TCP11L2: variants seen among roughly 807,000 people sequenced by gnomAD.
The protein encoded by TCP11L2 is T-complex protein 11-like protein 2.
In TCP11L2, 39 loss-of-function variants were observed where a neutral mutation model predicts 50.7. The ratio of observed to expected loss-of-function variants is 0.77; its 90% CI spans 0.60 to 1.01. The LOEUF is 1.01. Among genes scored for constraint, TCP11L2 ranks in the 50% least tolerant of loss-of-function variants. The pLI, the probability that TCP11L2 is intolerant of heterozygous loss-of-function variation, is 0.00. For missense variants in TCP11L2, 612 were observed against 614.7 expected (o/e 1.00, Z 0.05); for synonymous variants, 192 against 219.3 (o/e 0.88, Z 1.10).
intron 9 of TCP11L2, among the ~76,000 whole-genome samples, chr12:106,344,432 G>A (rs986658960): frequency 2.6e-5 from 4 of 152,268 alleles, no homozygotes; most frequent in African/African-American, 7.2e-5. Context: ...CATATGTCAC[G>A]ATAGTCTGGT....
In TCP11L2 at chr12:106,321,588, G is replaced by T. The variant is rs763394230; in HGVS notation, c.517G>T (p.Val173Phe). 3.5e-5 allele frequency: 57 copies of T among 1,614,212 alleles called. No homozygotes were observed. Among genetic ancestry groups the T allele is most frequent in the Middle Eastern group, 1.6e-4 (1 of 6,062 alleles). ...TAGGCAGCAGGCTGAGCACAGTGCT[G>T]TTGACATCCAAGGCCTGGCCAACTA... ...LIRQQAEHSA[V>F]DIQGLANYVI... The change falls in exon 5 of 10, where the codon GTT becomes TTT. Residue 173 changes from valine (V) to phenylalanine (F), a missense_variant. Val to Phe is a conservative substitution (Grantham distance 50). Coordinates refer to ENST00000299045, the MANE Select transcript of TCP11L2 (RefSeq NM_152772.3).
intron 6 of TCP11L2, among the ~76,000 whole-genome samples, chr12:106,334,511 C>T (rs1276262938): frequency 1.3e-5 from 2 of 152,138 alleles, no homozygotes; most frequent in Non-Finnish European, 2.9e-5. Flanking sequence ...CTCTTTACCC[C>T]TCACTTCCAC....
chr12:106,309,980 T>C (rs1043610040), intron 1 of TCP11L2, among the ~76,000 whole-genome samples: 2 of 152,136 alleles, frequency 1.3e-5, no homozygotes, highest in African/African-American at 4.8e-5. Flanking sequence ...TTATTGTCCA[T>C]CCAGGATTTG....
At chr12:106,336,274 G>T in intron 8 of TCP11L2, 61 bp downstream of exon 8, 2 of 1,449,966 alleles carry the variant, frequency 1.4e-6, no homozygotes, top group Admixed American at 2.3e-5. Flanking sequence ...GTGTCTCAGA[G>T]AACAAGAATG....
At chr12:106,313,137 A>G (rs894029892) in intron 2 of TCP11L2, among the ~76,000 whole-genome samples, 1 of 152,134 alleles carries the variant, frequency 6.6e-6, no homozygotes, top group African/African-American at 2.4e-5. Flanking sequence ...AGTTCTTACT[A>G]TCTTCTTCTT....
chr12:106,340,961 C>T lies in TCP11L2; in HGVS notation c.1278C>T (p.Ser426=). ...IQANLIGQFS[S]IEEEDNPIWS... ...CTAATCTTATAGGTCAATTTTCAAG[C>T]ATTGAAGAGGAGGACAATCCTATCT... The change falls in exon 9 of 10, where the codon AGC becomes AGT. Residue 426 remains serine, a synonymous_variant. Coordinates refer to ENST00000299045, the MANE Select transcript of TCP11L2 (RefSeq NM_152772.3). The T allele has an allele frequency of 1.9e-6, 3 of 1,612,932 alleles. No individual in the cohort carries two copies. Among genetic ancestry groups the T allele is most frequent in the Non-Finnish European group, 2.5e-6 (3 of 1,179,630 alleles).
intron 4 of TCP11L2, among the ~76,000 whole-genome samples, chr12:106,319,923 A>G (rs2035274985): frequency 1.3e-5 from 2 of 152,344 alleles, no homozygotes; most frequent in South Asian, 4.1e-4. Flanking sequence ...TATATGTAAA[A>G]TATACTTAAT....
In TCP11L2 at chr12:106,335,662, T is replaced by C. The variant is rs1000105350; in HGVS notation, c.796T>C (p.Trp266Arg). The C allele has an allele frequency of 6.2e-7, 1 of 1,614,164 alleles. No individual in the cohort carries two copies. Among genetic ancestry groups the C allele is most frequent in the Non-Finnish European group, 8.5e-7 (1 of 1,180,026 alleles). Residue 266 changes from tryptophan to arginine, a missense_variant, in exon 7 of 10, where the codon TGG becomes CGG. Transcript: ENST00000299045. Reference sequence around the variant, plus strand: ...AGGTGCTCTTGATCAGACTACAGAATGGATAAAAGAATCTGTAAATGAAGA... The same window carrying C: ...AGGTGCTCTTGATCAGACTACAGAACGGATAAAAGAATCTGTAAATGAAGA... The part of the protein sequence containing the change: ...TPSALDQTTE[W>R]IKESVNEELF...
intron 6 of TCP11L2, chr12:106,330,187 A>G (rs2035699036): frequency 1.0e-6 from 1 of 985,334 alleles, no homozygotes; most frequent in African/African-American, 1.7e-5. Flanking sequence ...CCAGTAGAGA[A>G]TTACTGCCTC....
intron 8 of TCP11L2, among the ~76,000 whole-genome samples, chr12:106,336,639 G>A (rs1175985803): frequency 4.3e-5 from 6 of 137,996 alleles, no homozygotes; most frequent in African/African-American, 1.1e-4. Context: ...TGCAACCTCC[G>A]CCTCCCGGGT....
intron 8 of TCP11L2, among the ~76,000 whole-genome samples, chr12:106,336,935 C>G (rs1461755758): frequency 6.6e-6 from 1 of 152,228 alleles, no homozygotes; most frequent in Non-Finnish European, 1.5e-5. Context: ...GCTGACAATT[C>G]TGCCCTTCAG....
chr12:106,318,416 C>G lies in TCP11L2; in HGVS notation c.366C>G (p.Asp122Glu). The part of the protein sequence containing the change: ...WDVLDSELNA[D>E]PPEFEHAIKL... ...TCTTGGATTCAGAACTAAATGCTGA[C>G]CCTCCTGAGTTTGAACATGCCATCA... The change falls in exon 4 of 10, where the codon GAC becomes GAG. Residue 122 changes from aspartate (D) to glutamate (E), a missense_variant. Asp to Glu is a conservative substitution (Grantham distance 45, BLOSUM62 2). Transcript: ENST00000299045. The G allele has an allele frequency of 6.2e-7, 1 of 1,614,074 alleles. No homozygotes were observed. The highest frequency in any genetic ancestry group is 8.5e-7 in the Non-Finnish European group (1 of 1,179,942).
chr12:106,323,585 T>G lies in TCP11L2; in HGVS notation c.711T>G (p.Leu237=), dbSNP rs536692790. Residue 237 remains leucine, a synonymous_variant, in exon 6 of 10, where the codon CTT becomes CTG. Coordinates refer to ENST00000299045, the MANE Select transcript of TCP11L2 (RefSeq NM_152772.3). ...CAATTATGAGTCTCAGACCGCACCT[T>G]CAACGCCAGTTGGTGGAATATGAGA... The part of the protein sequence containing the change: ...NFTIMSLRPH[L]QRQLVEYERT... The G allele has an allele frequency of 1.8e-5, 29 of 1,608,126 alleles. No homozygotes were observed. In the South Asian group the frequency reaches 3.1e-4, roughly 17 times the overall value.
chr12:106,339,093 C>T (rs2036011538), intron 8 of TCP11L2, among the ~76,000 whole-genome samples: 1 of 152,066 alleles, frequency 6.6e-6, no homozygotes, highest in Non-Finnish European at 1.5e-5. Context: ...TGCAGTGAGC[C>T]GAGATTGTGC....
At chr12:106,321,436 A>C (rs2035329347) in intron 4 of TCP11L2, 50 bp from the exon 5 acceptor site, 1 of 1,482,156 alleles carries the variant, frequency 6.7e-7, no homozygotes, top group African/African-American at 1.4e-5. Context: ...GAAAAGTGAC[A>C]GCTTTTATTC....
intron 1 of TCP11L2, among the ~76,000 whole-genome samples, chr12:106,305,163 C>T (rs961299234): frequency 6.6e-6 from 1 of 152,108 alleles, no homozygotes; most frequent in African/African-American, 2.4e-5. Context: ...GGGCAAGTAA[C>T]GCAACCTCTC....
In TCP11L2 at chr12:106,323,548, T is replaced by C; in HGVS notation, c.674T>C (p.Met225Thr). The change falls in exon 6 of 10, where the codon ATG becomes ACG. Residue 225 changes from methionine to threonine, a missense_variant. Transcript: ENST00000299045. ...GTCCTGGACCTCATGCAAATGGACA[T>C]GGCCAATTTTACAATTATGAGTCTC... ...FHVLDLMQMD[M>T]ANFTIMSLRP... 1 of 1,608,964 alleles carries C rather than the reference T, an allele frequency of 6.2e-7. No homozygotes were observed. Among genetic ancestry groups the C allele is most frequent in the Non-Finnish European group, 8.5e-7 (1 of 1,177,434 alleles).
At chr12:106,300,440 C>T (rs937545724), upstream of TCP11L2, among the ~76,000 whole-genome samples, 3 of 152,238 alleles carry the variant, frequency 2.0e-5, no homozygotes, top group African/African-American at 7.2e-5. Flanking sequence ...AGCGATTCTC[C>T]TGCCTCAGCT....
chr12:106,298,786 C>T (rs938534685), upstream of TCP11L2, among the ~76,000 whole-genome samples: 1 of 151,488 alleles, frequency 6.6e-6, no homozygotes, highest in Non-Finnish European at 1.5e-5. Context: ...GCCTCCCAAA[C>T]TGCTGGGATT....
Sources: gnomAD v4.1 joint callset for allele counts (sites outside exome capture counted in the v4.1 genomes callset) on GRCh38, gnomAD v4.1.1 for gene constraint, MANE v1.5 for transcripts, NCBI Gene and HGNC (gene_info 2026-07-23, HGNC 2026-07-21) for gene names.